Variants in COPS4 observed in about 807,000 individuals in gnomAD.
COPS4 encodes COP9 signalosome subunit 4, also known as COP9 signalosome complex subunit 4.
Under a neutral mutation model 55.1 loss-of-function variants are expected in COPS4, and 8 were observed. That is an observed-to-expected ratio of 0.15 (90% CI 0.09 to 0.26). The LOEUF (loss-of-function observed/expected upper bound fraction) is 0.26, where lower values mean the gene tolerates loss of function less well. COPS4 is among the 10% of genes least tolerant of loss of function. The pLI is 1.00. For missense variants in COPS4, 248 were observed against 484.0 expected (o/e 0.51, Z 4.58); for synonymous variants, 185 against 165.7 (o/e 1.12, Z -0.90).
intron 9 of COPS4, 81 bp downstream of exon 9, chr4:83,068,603 C>G: frequency 8.3e-6 from 7 of 843,452 alleles, no homozygotes; most frequent in Non-Finnish European, 9.8e-6. Flanking sequence ...TGGACAGTTT[C>G]CTTTGACTCA....
chr4:83,055,053 C>T (rs564044859), intron 4 of COPS4, among the ~76,000 whole-genome samples: 8 of 152,260 alleles, frequency 5.3e-5, no homozygotes, highest in African/African-American at 1.9e-4. Flanking sequence ...ATAAATTTCT[C>T]CTCCCATTCT....
chr4:83,058,620 A>G lies in COPS4; in HGVS notation c.715+1212A>G, dbSNP rs76869156. 7.2e-3 allele frequency among the ~76,000 whole-genome samples: 1,096 copies of G among 152,306 alleles called. 15 individuals are homozygous for G. Among genetic ancestry groups the G allele is most frequent in the Middle Eastern group, 0.01 (3 of 294 alleles). ...CTGCTTCTTTTTCTAAAGAACTTTT[A>G]CTGGTTTCTTACCTATCTTTCAATA... On this transcript the variant is annotated intron_variant, in intron 6 of 9. Coordinates refer to ENST00000264389, the MANE Select transcript of COPS4 (RefSeq NM_016129.3).
In COPS4 at chr4:83,075,534, C is replaced by A; in HGVS notation, c.*104C>A. ...ATCATGACCTTATACATTTCAATCC[C>A]TTTTATGCTGGATTCCGTTTAAAGA... On this transcript the variant is annotated 3_prime_UTR_variant, in exon 10 of 10. Coordinates refer to ENST00000264389, the MANE Select transcript of COPS4 (RefSeq NM_016129.3). The A allele has an allele frequency of 7.8e-7, 1 of 1,285,774 alleles. No individual in the cohort carries two copies. The highest frequency in any genetic ancestry group is 1.1e-6 in the Non-Finnish European group (1 of 931,856). 79.6% of individuals were successfully genotyped at this position (1,285,774 alleles called of 1,614,324 possible). A position where few individuals can be genotyped will look rare whatever the true frequency, so the allele number is the denominator to read the frequency against.
At chr4:83,054,519 T>C (rs1730968769) in intron 4 of COPS4, among the ~76,000 whole-genome samples, 1 of 152,238 alleles carries the variant, frequency 6.6e-6, no homozygotes, top group South Asian at 2.1e-4. Flanking sequence ...TTGGCAATGA[T>C]GCTCCTTGAA....
In COPS4 at chr4:83,068,456, CA is replaced by C; in HGVS notation, c.1024del (p.Met342Ter). ...CCAATAGGCGGAAAAGATAGCATCT[CA>C]AATGATAACCGAAGGACGTATGAAT... The part of the protein sequence containing the change: ...PAAKAEKIAS[Q>X]MITEGRMNGF... On this transcript the variant is annotated frameshift_variant, in exon 9 of 10. Transcript: ENST00000264389. LOFTEE classifies it high-confidence loss of function. 6.2e-7 allele frequency: 1 copy of C among 1,609,952 alleles called. No individual in the cohort carries two copies. The highest frequency in any genetic ancestry group is 1.1e-5 in the South Asian group (1 of 90,538).
chr4:83,054,292 A>G (rs1196589464), intron 4 of COPS4, among the ~76,000 whole-genome samples: 2 of 152,250 alleles, frequency 1.3e-5, no homozygotes, highest in Non-Finnish European at 2.9e-5. Context: ...CAGTGAGCCA[A>G]GATCACACCA....
At chr4:83,065,813 C>T (rs1288284688) in intron 7 of COPS4, among the ~76,000 whole-genome samples, 5 of 152,180 alleles carry the variant, frequency 3.3e-5, no homozygotes, top group African/African-American at 1.2e-4. Context: ...GAACAGGTTG[C>T]ATGATTGTTG....
At chr4:83,036,132 G>A (rs1160775769) in intron 1 of COPS4, 1 of 152,120 alleles carries the variant, frequency 6.6e-6, no homozygotes, top group Non-Finnish European at 1.5e-5. Flanking sequence ...CTCTAGGCCG[G>A]GTGCAGTGGC....
intron 1 of COPS4, among the ~76,000 whole-genome samples, chr4:83,040,414 A>AT (rs1457886550): frequency 6.6e-6 from 1 of 152,142 alleles, no homozygotes; most frequent in Non-Finnish European, 1.5e-5. Context: ...AGGCTTCAGA[A>AT]TTTTTTTGGT....
chr4:83,070,128 C>T (rs967472677), intron 9 of COPS4, among the ~76,000 whole-genome samples: 26 of 152,248 alleles, frequency 1.7e-4, no homozygotes, highest in African/African-American at 3.6e-4. Flanking sequence ...CTCTTCCATC[C>T]GATTCTACTT....
rs145122897 is a variant in COPS4 at position 83,052,541 on chromosome 4, A to C, written c.410+2557A>C. Among the ~76,000 whole-genome samples the C allele has an allele frequency of 4.6e-5, 7 of 152,268 alleles. No homozygotes were observed. In the East Asian group the frequency reaches 1.3e-3, roughly 29 times the overall value. On this transcript the variant is annotated intron_variant, in intron 4 of 9. Transcript: ENST00000264389. ...GTTGTGACAAGAAAAATGTCTGTAG[A>C]CATATTAGTGATATAGTGGTGGAAT...
intron 1 of COPS4, among the ~76,000 whole-genome samples, chr4:83,042,896 C>A (rs953626072): frequency 4.6e-5 from 7 of 151,580 alleles, no homozygotes; most frequent in Non-Finnish European, 1.0e-4. Flanking sequence ...TGAGCCACCA[C>A]GCCCAACCAA....
chr4:83,047,143 C>T (rs1019615682), intron 2 of COPS4, among the ~76,000 whole-genome samples: 1 of 152,148 alleles, frequency 6.6e-6, no homozygotes, highest in African/African-American at 2.4e-5. Flanking sequence ...AAATCATGGC[C>T]TCCGGTGTGA....
chr4:83,049,432 G>C (rs1730802138), intron 3 of COPS4, 115 bp downstream of exon 3: 2 of 950,542 alleles, frequency 2.1e-6, no homozygotes, highest in African/African-American at 3.5e-5. Context: ...TGACAAAACA[G>C]TGTGCCAAAC....
At position 83,035,214 on chromosome 4, in the gene COPS4, C is replaced by G; in HGVS notation, c.-11C>G. 6.4e-7 allele frequency: 1 copy of G among 1,559,200 alleles called. No individual in the cohort carries two copies. The highest frequency in any genetic ancestry group is 1.1e-5 in the South Asian group (1 of 89,592). ...AGAGGCCCCCGCATCCACCGCTGAG[C>G]TGGGAGAAAGATGGCGGCAGCCGTG... On this transcript the variant is annotated 5_prime_UTR_variant, in exon 1 of 10. Coordinates refer to ENST00000264389, the MANE Select transcript of COPS4 (RefSeq NM_016129.3).
At chr4:83,059,913 G>C (rs1731115810) in intron 6 of COPS4, among the ~76,000 whole-genome samples, 1 of 152,006 alleles carries the variant, frequency 6.6e-6, no homozygotes, top group Non-Finnish European at 1.5e-5. Context: ...ATGTTAGCCA[G>C]GATGGTCTCG....
chr4:83,058,434 G>A (rs1291148384), intron 6 of COPS4, among the ~76,000 whole-genome samples: 2 of 152,114 alleles, frequency 1.3e-5, no homozygotes, highest in Non-Finnish European at 2.9e-5. Context: ...GCCCAGTCTG[G>A]TCTTGAGCTC....
intron 4 of COPS4, among the ~76,000 whole-genome samples, chr4:83,054,631 A>G (rs907847935): frequency 6.6e-6 from 1 of 152,164 alleles, no homozygotes; most frequent in Non-Finnish European, 1.5e-5. Context: ...GGCTTTCTTG[A>G]TTGCTTTGGT....
At chr4:83,070,014 T>C (rs1034004504) in intron 9 of COPS4, among the ~76,000 whole-genome samples, 3 of 152,218 alleles carry the variant, frequency 2.0e-5, no homozygotes, top group Non-Finnish European at 2.9e-5. Flanking sequence ...TGAAAATCCT[T>C]TTATCTTCCA....
Sources: allele counts gnomAD v4.1 joint callset (sites outside exome capture counted in the v4.1 genomes callset), GRCh38; gene constraint gnomAD v4.1.1; transcripts MANE v1.5; gene names NCBI Gene and HGNC (gene_info 2026-07-23, HGNC 2026-07-21).